Variants in GLCCI1 observed in about 807,000 individuals in gnomAD.
GLCCI1 encodes glucocorticoid-induced transcript 1 protein.
In GLCCI1, 24 loss-of-function variants were observed where a neutral mutation model predicts 52.2. The observed-to-expected ratio is 0.46, with a 90% CI of 0.33 to 0.65. The LOEUF (loss-of-function observed/expected upper bound fraction) is 0.65. Among genes scored for constraint, GLCCI1 ranks in the 30% least tolerant of loss-of-function variants. GLCCI1 has a pLI of 0.02. For missense variants in GLCCI1, 704 were observed against 701.5 expected, an observed-to-expected ratio of 1.00 and a Z score of -0.04; for synonymous variants, 310 against 276.5, an observed-to-expected ratio of 1.12 and a Z score of -1.20.
intron 5 of GLCCI1, among the ~76,000 whole-genome samples, chr7:8,066,449 T>A (rs1298000798): frequency 6.6e-6 from 1 of 152,054 alleles, no homozygotes; most frequent in Non-Finnish European, 1.5e-5. Flanking sequence ...TAGTTTGCTC[T>A]TGTTTCTCTA....
intron 3 of GLCCI1, among the ~76,000 whole-genome samples, chr7:8,046,314 C>A (rs1782126058): frequency 6.6e-6 from 1 of 152,122 alleles, no homozygotes; most frequent in Non-Finnish European, 1.5e-5. Context: ...TGAGTGGACT[C>A]CCTCCTCTCG....
At chr7:8,082,895 G>C (rs940228855) in intron 6 of GLCCI1, among the ~76,000 whole-genome samples, 1 of 152,210 alleles carries the variant, frequency 6.6e-6, no homozygotes, top group Non-Finnish European at 1.5e-5. Context: ...GAAAGAATGT[G>C]ATAGGCCTGA....
chr7:8,008,186 T>C (rs1781195069), intron 2 of GLCCI1, among the ~76,000 whole-genome samples: 1 of 152,196 alleles, frequency 6.6e-6, no homozygotes, highest in Non-Finnish European at 1.5e-5. Flanking sequence ...TTGTTTCTTG[T>C]AACTGAAATT....
At chr7:8,067,527 A>G (rs1782657337) in intron 5 of GLCCI1, among the ~76,000 whole-genome samples, 1 of 152,074 alleles carries the variant, frequency 6.6e-6, no homozygotes, top group Non-Finnish European at 1.5e-5. Flanking sequence ...TCCTTTCCAG[A>G]TTTAGCAGTC....
chr7:7,973,746 T>A (rs1780402955), intron 1 of GLCCI1, among the ~76,000 whole-genome samples: 3 of 152,078 alleles, frequency 2.0e-5, no homozygotes. Context: ...CATAAAGAAG[T>A]TATGATTCTA....
chr7:8,085,700 C>G (rs975814073), intron 7 of GLCCI1, among the ~76,000 whole-genome samples: 5 of 150,150 alleles, frequency 3.3e-5, no homozygotes, highest in Non-Finnish European at 7.4e-5. Flanking sequence ...GACCCAACCT[C>G]TGTTGAATTG....
intron 3 of GLCCI1, among the ~76,000 whole-genome samples, chr7:8,053,731 A>T (rs1430151804): frequency 6.6e-6 from 1 of 152,182 alleles, no homozygotes; most frequent in Non-Finnish European, 1.5e-5. Flanking sequence ...AATTTGAAAT[A>T]TGCCAAGTAT....
chr7:8,053,019 TA>T (rs1231860194), intron 3 of GLCCI1, among the ~76,000 whole-genome samples: 1 of 151,002 alleles, frequency 6.6e-6, no homozygotes, highest in Non-Finnish European at 1.5e-5. Flanking sequence ...TTTATTTATT[TA>T]TTTATTTATT....
At chr7:8,029,789 AGTC>A (rs1214401526) in intron 3 of GLCCI1, among the ~76,000 whole-genome samples, 4 of 152,152 alleles carry the variant, frequency 2.6e-5, no homozygotes, top group Non-Finnish European at 5.9e-5. Flanking sequence ...AGAAATAAAA[AGTC>A]ATCCCATTTA....
At chr7:8,085,895 A>G (rs1783096124) in intron 7 of GLCCI1, among the ~76,000 whole-genome samples, 1 of 152,230 alleles carries the variant, frequency 6.6e-6, no homozygotes, top group Non-Finnish European at 1.5e-5. Context: ...ATCTTCAATT[A>G]TAATGTAGAA....
chr7:7,980,490 A>G (rs1173068980), intron 1 of GLCCI1: 1 of 339,336 alleles, frequency 2.9e-6, no homozygotes, highest in East Asian at 4.9e-5. Flanking sequence ...GATATTACAA[A>G]ATAAAATATT....
At chr7:7,981,812 A>G in intron 1 of GLCCI1, 1 of 423,330 alleles carries the variant, frequency 2.4e-6, no homozygotes, top group South Asian at 1.8e-5. Flanking sequence ...GTTCTGAAAG[A>G]TAAAGTAAGC....
At chr7:8,036,669 A>G (rs957976403) in intron 3 of GLCCI1, among the ~76,000 whole-genome samples, 1 of 152,224 alleles carries the variant, frequency 6.6e-6, no homozygotes, top group Non-Finnish European at 1.5e-5. Flanking sequence ...AAACAATTTA[A>G]GATATAAATG....
Position 8,029,730 on chromosome 7 carries a change from A to G in GLCCI1, c.696+7161A>G, listed in dbSNP as rs1380834257. On this transcript the variant is annotated intron_variant, in intron 3 of 7. Coordinates refer to ENST00000223145, the MANE Select transcript of GLCCI1 (RefSeq NM_138426.4). ...TTAAGTTGCAGAACACAAAGTCAACATACAAAAATCAGTAGTGTTTCTATA... is the reference window on the plus strand; with the variant it reads ...TTAAGTTGCAGAACACAAAGTCAACGTACAAAAATCAGTAGTGTTTCTATA... Among the ~76,000 whole-genome samples the G allele has an allele frequency of 3.3e-5, 5 of 152,174 alleles. No homozygotes were observed. The South Asian group carries it at 1.0e-3, about 32-fold the overall frequency.
chr7:8,055,503 G>T lies in GLCCI1; in HGVS notation c.767G>T (p.Arg256Leu). Residue 256 changes from arginine (R) to leucine (L), a missense_variant, in exon 4 of 8, where the codon CGC becomes CTC. Transcript: ENST00000223145. ...AGTCGTCACAGTAAGGAGAAAGATC[G>T]CCAGTCACCTCTTCATGGCAACCAT... ...QSSRHSKEKD[R>L]QSPLHGNHIT... The T allele has an allele frequency of 6.2e-7, 1 of 1,613,604 alleles. No homozygotes were observed. The highest frequency in any genetic ancestry group is 1.3e-5 in the African/African-American group (1 of 74,986).
intron 1 of GLCCI1, among the ~76,000 whole-genome samples, chr7:7,976,504 G>A (rs147022644): frequency 0.015 from 1,195 of 79,352 alleles, 7 homozygotes; most frequent in Middle Eastern, 0.03. Context: ...AAAAAGGAAA[G>A]GAAAAAGGAA....
At chr7:8,023,816 C>G (rs1213654949) in intron 3 of GLCCI1, among the ~76,000 whole-genome samples, 1 of 151,686 alleles carries the variant, frequency 6.6e-6, no homozygotes, top group East Asian at 1.9e-4. Flanking sequence ...CCAGGCTAGT[C>G]TCGAACTCCT....
chr7:8,037,184 C>T (rs1285673869), intron 3 of GLCCI1, among the ~76,000 whole-genome samples: 2 of 152,216 alleles, frequency 1.3e-5, no homozygotes, highest in African/African-American at 4.8e-5. Context: ...AACAGACTTA[C>T]AGCAGAATGC....
At chr7:7,992,509 G>A (rs530353843) in intron 1 of GLCCI1, among the ~76,000 whole-genome samples, 1 of 152,088 alleles carries the variant, frequency 6.6e-6, no homozygotes, top group East Asian at 1.9e-4. Context: ...TTAATCTGTA[G>A]CCTTTATACT....
Sources: gnomAD v4.1 joint callset for allele counts (sites outside exome capture counted in the v4.1 genomes callset) on GRCh38, gnomAD v4.1.1 for gene constraint, MANE v1.5 for transcripts, NCBI Gene and HGNC (gene_info 2026-07-23, HGNC 2026-07-21) for gene names.